The following MED12L variants were observed in gnomAD, a reference collection of about 807,000 sequenced individuals.
The protein encoded by MED12L is mediator of RNA polymerase II transcription subunit 12-like protein.
Under a neutral mutation model 281.3 loss-of-function variants are expected in MED12L, and 60 were observed. That is an observed-to-expected ratio of 0.21 (90% confidence interval 0.17 to 0.26). The LOEUF (loss-of-function observed/expected upper bound fraction) is 0.26. Ranked by LOEUF, MED12L falls within the 10% of genes least tolerant of loss-of-function variation. MED12L has a pLI of 1.00. For missense variants in MED12L, 2,146 were observed against 2,680.9 expected, an observed-to-expected ratio of 0.80 and a Z score of 4.41; for synonymous variants, 974 against 987.2, an observed-to-expected ratio of 0.99 and a Z score of 0.25.
rs1417684711 is a variant in MED12L at position 151,188,390 on chromosome 3, T to G, written c.1663T>G (p.Ser555Ala). 6.2e-7 allele frequency: 1 copy of G among 1,610,240 alleles called. No homozygotes were observed. The highest frequency in any genetic ancestry group is 2.2e-5 in the East Asian group (1 of 44,806). Residue 555 changes from serine (S) to alanine (A), a missense_variant, in exon 13 of 45, where the codon TCT (serine) becomes GCT (alanine). By Grantham distance (99) the Ser-to-Ala change is moderately conservative. Around this residue, in one of 9 missense-constraint regions of MED12L, gnomAD observed 722 missense variants for 861.2 expected, o/e 0.84. Transcript: ENST00000687756. ...ATCAGAAGTCTTAGATGAGAAGGAG[T>G]CTATTTCTTCATCCTCTCTTGCTGG... The part of the protein sequence containing the change: ...GESEVLDEKE[S>A]ISSSSLAGSS...
At chr3:151,406,658 C>G (rs1716344616) in intron 39 of MED12L, among the ~76,000 whole-genome samples, 1 of 152,078 alleles carries the variant, frequency 6.6e-6, no homozygotes, top group Non-Finnish European at 1.5e-5. Context: ...GGGTGTGTAC[C>G]TGAACATGGT....
At chr3:151,202,156 CTGTT>C (rs1559872524) in intron 16 of MED12L, among the ~76,000 whole-genome samples, 1 of 152,152 alleles carries the variant, frequency 6.6e-6, no homozygotes, top group East Asian at 1.9e-4. Flanking sequence ...AGAAACAAAT[CTGTT>C]TATTTAAAAT....
chr3:151,399,544 T>C (rs1715396976), intron 39 of MED12L, among the ~76,000 whole-genome samples: 1 of 152,230 alleles, frequency 6.6e-6, no homozygotes, highest in Non-Finnish European at 1.5e-5. Context: ...TGGTGTGTTT[T>C]TGTTCTTTAA....
At chr3:151,190,610 C>A in intron 13 of MED12L, 107 bp from the exon 14 acceptor site, 1 of 1,004,836 alleles carries the variant, frequency 1.0e-6, no homozygotes, top group Non-Finnish European at 1.5e-6. Context: ...TCTTTTTTTT[C>A]CCCAGAAAAG....
At chr3:151,104,203 C>T (rs1013237407) in intron 2 of MED12L, among the ~76,000 whole-genome samples, 2 of 152,086 alleles carry the variant, frequency 1.3e-5, no homozygotes, top group African/African-American at 4.8e-5. Context: ...TCATATGTGG[C>T]TTTGATGCAA....
intron 2 of MED12L, among the ~76,000 whole-genome samples, chr3:151,099,706 A>G (rs1050000234): frequency 1.3e-5 from 2 of 152,142 alleles, no homozygotes; most frequent in Non-Finnish European, 2.9e-5. Flanking sequence ...GGGTAGGTAG[A>G]TCAATGGTGG....
At chr3:151,343,247 G>T (rs1752099519) in intron 16 of MED12L, among the ~76,000 whole-genome samples, 1 of 152,068 alleles carries the variant, frequency 6.6e-6, no homozygotes, top group Admixed American at 6.6e-5. Flanking sequence ...GCTTATTCAA[G>T]AAAATGATTA....
At chr3:151,429,163 G>C (rs73869066) in intron 43 of MED12L, among the ~76,000 whole-genome samples, 146 of 152,328 alleles carry the variant, frequency 9.6e-4, no homozygotes, top group African/African-American at 3.4e-3. Context: ...CAACCTTCCC[G>C]GTGTGGGGCG....
intron 42 of MED12L, among the ~76,000 whole-genome samples, chr3:151,414,496 A>AG (rs1213215287): frequency 6.6e-6 from 1 of 152,190 alleles, no homozygotes; most frequent in Admixed American, 6.5e-5. Context: ...CACTGGATAG[A>AG]GGGGAGAAAC....
At chr3:151,131,256 G>C (rs974024822) in intron 5 of MED12L, among the ~76,000 whole-genome samples, 1 of 152,152 alleles carries the variant, frequency 6.6e-6, no homozygotes, top group African/African-American at 2.4e-5. Context: ...AATGCAAAAA[G>C]GAAGTGCAGG....
chr3:151,416,463 C>A (rs1316687503), intron 43 of MED12L, 41 bp downstream of exon 43: 1 of 1,598,888 alleles, frequency 6.3e-7, no homozygotes, highest in Admixed American at 1.7e-5. Context: ...TGGGTTTCTT[C>A]TTTAAAAGCA....
intron 16 of MED12L, among the ~76,000 whole-genome samples, chr3:151,217,857 A>G (rs1282676241): frequency 6.6e-6 from 1 of 152,196 alleles, no homozygotes; most frequent in Non-Finnish European, 1.5e-5. Context: ...AGAGCATGGC[A>G]GCCTTTTCTG....
Position 151,365,950 on chromosome 3 carries a change from A to G in MED12L, c.3286A>G (p.Asn1096Asp), listed in dbSNP as rs764741170. 2.5e-6 allele frequency: 4 copies of G among 1,613,246 alleles called. No individual in the cohort carries two copies. Among genetic ancestry groups the G allele is most frequent in the Non-Finnish European group, 2.5e-6 (3 of 1,179,424 alleles). Residue 1096 changes from asparagine (N) to aspartate (D), a missense_variant, in exon 23 of 45, where the codon AAT (asparagine) becomes GAT (aspartate). By Grantham distance (23) the Asn-to-Asp change is conservative. Around this residue, in one of 9 missense-constraint regions of MED12L, gnomAD observed 404 missense variants for 603.5 expected, o/e 0.67. Coordinates refer to ENST00000687756, the MANE Select transcript of MED12L (RefSeq NM_001393769.1). ...GVLKALCCSSNHVWGFNDVLC... is the reference protein window; with the variant it reads ...GVLKALCCSSDHVWGFNDVLC... Reference sequence around the variant, plus strand: ...TCTGAAGGCTCTTTGTTGTTCTTCAAATCACGTGTGGGGGTTTAATGATGT... The same window carrying G: ...TCTGAAGGCTCTTTGTTGTTCTTCAGATCACGTGTGGGGGTTTAATGATGT...
intron 43 of MED12L, among the ~76,000 whole-genome samples, chr3:151,419,760 C>T (rs1245088106): frequency 6.6e-6 from 1 of 152,178 alleles, no homozygotes; most frequent in African/African-American, 2.4e-5. Flanking sequence ...ACCGGAAACG[C>T]ACCAATCCCC....
chr3:151,318,286 A>T (rs1294553739), intron 16 of MED12L, among the ~76,000 whole-genome samples: 1 of 151,956 alleles, frequency 6.6e-6, no homozygotes, highest in Admixed American at 6.6e-5. Context: ...TCCTTCATTT[A>T]GTTTTGACTC....
At chr3:151,265,273 A>C (rs1438657662) in intron 16 of MED12L, among the ~76,000 whole-genome samples, 4 of 152,258 alleles carry the variant, frequency 2.6e-5, no homozygotes, top group Non-Finnish European at 5.9e-5. Context: ...AATAGTCATC[A>C]TGGAAACTGA....
At chr3:151,113,520 C>G (rs1400770649) in intron 2 of MED12L, among the ~76,000 whole-genome samples, 2 of 152,134 alleles carry the variant, frequency 1.3e-5, no homozygotes, top group Admixed American at 6.5e-5. Flanking sequence ...TCAAAGTGGC[C>G]TTCAGGGGGC....
chr3:151,428,301 A>T (rs531718148), intron 43 of MED12L, among the ~76,000 whole-genome samples: 157 of 152,362 alleles, frequency 1.0e-3, no homozygotes, highest in South Asian at 1.2e-3. Context: ...TAAGCATAAA[A>T]ACTATTGAAT....
chr3:151,422,265 C>T (rs1427297914), intron 43 of MED12L, among the ~76,000 whole-genome samples: 3 of 152,178 alleles, frequency 2.0e-5, no homozygotes, highest in African/African-American at 7.2e-5. Flanking sequence ...TTTGCTAGAA[C>T]TCCCTAACAA....
Sources: gnomAD v4.1 joint callset for allele counts (sites outside exome capture counted in the v4.1 genomes callset) on GRCh38, gnomAD v4.1.1 for gene constraint, gnomAD v4.1.1 regional missense constraint, MANE v1.5 for transcripts, NCBI Gene and HGNC (gene_info 2026-07-23, HGNC 2026-07-21) for gene names.